Variants in EIF4E observed in about 807,000 individuals in gnomAD.
EIF4E encodes eukaryotic translation initiation factor 4E.
For missense variants in EIF4E, 113 were observed against 265.6 expected (o/e 0.43, Z 3.99); for synonymous variants, 71 against 88.5 (o/e 0.80, Z 1.11).
intron 1 of EIF4E, among the ~76,000 whole-genome samples, chr4:98,917,577 CA>C (rs1725441043): frequency 6.6e-6 from 1 of 151,778 alleles, no homozygotes; most frequent in Non-Finnish European, 1.5e-5. Flanking sequence ...TTAGTTTTTT[CA>C]AAACTAAACA....
At chr4:98,927,360 A>G (rs1725916250) in intron 1 of EIF4E, among the ~76,000 whole-genome samples, 1 of 152,180 alleles carries the variant, frequency 6.6e-6, no homozygotes, top group Non-Finnish European at 1.5e-5. Context: ...TAGTTTTATA[A>G]AAGTCTTTAA....
intron 2 of EIF4E, among the ~76,000 whole-genome samples, chr4:98,896,748 T>C (rs1046357792): frequency 8.1e-6 from 1 of 123,356 alleles, no homozygotes; most frequent in African/African-American, 3.1e-5. Flanking sequence ...GAGGCCGAGG[T>C]GGATGAATTG....
chr4:98,916,286 C>CAAAA (rs11462325), intron 1 of EIF4E, among the ~76,000 whole-genome samples: 6 of 106,954 alleles, frequency 5.6e-5, no homozygotes, highest in African/African-American at 1.3e-4. Context: ...ATTCAGAGGA[C>CAAAA]AAAAAAAAAA....
At chr4:98,898,127 A>C (rs1724493145) in intron 2 of EIF4E, among the ~76,000 whole-genome samples, 1 of 152,158 alleles carries the variant, frequency 6.6e-6, no homozygotes, top group Non-Finnish European at 1.5e-5. Flanking sequence ...GGGGGGGAAA[A>C]AAGAAACCTA....
chr4:98,881,215 T>G, intron 6 of EIF4E, 73 bp from the exon 7 acceptor site: 1 of 1,537,490 alleles, frequency 6.5e-7, no homozygotes, highest in Non-Finnish European at 8.8e-7. Context: ...ATTTAAAAAT[T>G]TAGGGTTATT....
intron 1 of EIF4E, among the ~76,000 whole-genome samples, chr4:98,903,082 T>A (rs1444802716): frequency 1.3e-5 from 2 of 152,174 alleles, no homozygotes; most frequent in African/African-American, 4.8e-5. Flanking sequence ...AGAAAAGTAG[T>A]CTGGGGGCAG....
rs574886864 is a variant in EIF4E at position 98,918,253 on chromosome 4, G to A, written c.18+10842C>T. Among the ~76,000 whole-genome samples, 146 of 150,522 alleles carry A rather than the reference G, an allele frequency of 9.7e-4. 1 individual carries two copies. Among genetic ancestry groups the A allele is most frequent in the Admixed American group, 2.0e-3 (30 of 15,128 alleles). ...GTGGTGGACGCCTGTAATCCAGCTG[G>A]TCGGGAGGCTGAGGCAGGAGAATTG... is the stretch of plus-strand genomic sequence containing the variant. On this transcript the variant is annotated intron_variant, in intron 1 of 6. Coordinates refer to ENST00000450253, the MANE Select transcript of EIF4E (RefSeq NM_001968.5).
chr4:98,890,423 G>A (rs1724098803), intron 3 of EIF4E, among the ~76,000 whole-genome samples: 1 of 152,190 alleles, frequency 6.6e-6, no homozygotes, highest in Non-Finnish European at 1.5e-5. Context: ...CATTCTCCAA[G>A]TAAATTAGAC....
chr4:98,890,402 A>G (rs1724097837), intron 3 of EIF4E, among the ~76,000 whole-genome samples: 1 of 152,130 alleles, frequency 6.6e-6, no homozygotes, highest in African/African-American at 2.4e-5. Flanking sequence ...CTCAAATAGT[A>G]CCTCCCTAGT....
Position 98,887,756 on chromosome 4 carries a change from A to G in EIF4E, c.285+133T>C, listed in dbSNP as rs1723984209. 1 of 766,562 alleles carries G rather than the reference A, an allele frequency of 1.3e-6. No individual in the cohort carries two copies. The highest frequency in any genetic ancestry group is 1.8e-5 in the African/African-American group (1 of 56,956). The allele number at this position is 766,562 out of a possible 1,614,324, so 47.5% of individuals were successfully genotyped here. ...GAATAAGATATATTGATACTAAAGC[A>G]TACTACAGCCAATTAAATTATCAGC... On this transcript the variant is annotated intron_variant, in intron 4 of 6. Coordinates refer to ENST00000450253, the MANE Select transcript of EIF4E (RefSeq NM_001968.5). This position sits in a 1 kb window ranked among gnomAD's most constrained non-coding sequence, Gnocchi z 4.0.
rs1289491620 is a variant in EIF4E, at chr4:98,886,664, T to A, written c.399+415A>T. 1.5e-5 allele frequency: 5 copies of A among 341,084 alleles called. No homozygotes were observed. In the East Asian group the frequency reaches 3.9e-4, roughly 26 times the overall value. 21.1% of individuals were successfully genotyped at this position (341,084 alleles called of 1,614,324 possible). A position where few individuals can be genotyped will look rare whatever the true frequency, so the allele number is the denominator to read the frequency against. On this transcript the variant is annotated intron_variant, in intron 5 of 6. Coordinates refer to ENST00000450253, the MANE Select transcript of EIF4E (RefSeq NM_001968.5). ...CAGAGGGTGAGGCTGAAATGAGCCA[T>A]ATAAATAAATATCCGCACTCCAGCC...
At chr4:98,883,349 A>G (rs543727287) in intron 6 of EIF4E, among the ~76,000 whole-genome samples, 9 of 151,930 alleles carry the variant, frequency 5.9e-5, no homozygotes, top group African/African-American at 2.2e-4. Flanking sequence ...CATTTTGACC[A>G]CTGACTGACC....
intron 3 of EIF4E, 96 bp downstream of exon 3, chr4:98,891,141 G>T: frequency 7.6e-7 from 1 of 1,318,178 alleles, no homozygotes; most frequent in Non-Finnish European, 1.1e-6. Context: ...TTCATTAACT[G>T]TTTAACTCAC....
At chr4:98,922,814 T>C (rs1725703458) in intron 1 of EIF4E, among the ~76,000 whole-genome samples, 1 of 151,764 alleles carries the variant, frequency 6.6e-6, no homozygotes, top group African/African-American at 2.4e-5. Flanking sequence ...CTGAATATAG[T>C]GTGACTAAAC....
At chr4:98,922,143 G>A (rs537638835) in intron 1 of EIF4E, among the ~76,000 whole-genome samples, 1 of 152,118 alleles carries the variant, frequency 6.6e-6, no homozygotes, top group East Asian at 1.9e-4. Context: ...AGAGTGCAAC[G>A]GTTAAGAATA....
At chr4:98,898,245 T>C (rs1173295029) in intron 2 of EIF4E, among the ~76,000 whole-genome samples, 1 of 152,148 alleles carries the variant, frequency 6.6e-6, no homozygotes, top group Non-Finnish European at 1.5e-5. Context: ...TTCTTATACT[T>C]CCAATGAAAC....
intron 6 of EIF4E, among the ~76,000 whole-genome samples, chr4:98,881,477 G>A (rs955235227): frequency 2.0e-5 from 3 of 152,218 alleles, no homozygotes; most frequent in Middle Eastern, 3.4e-3. Flanking sequence ...TCCCTGAGCT[G>A]ACTGCATTTA....
chr4:98,885,210 G>T, intron 5 of EIF4E, 149 bp from the exon 6 acceptor site: 1 of 988,724 alleles, frequency 1.0e-6, no homozygotes, highest in Non-Finnish European at 1.5e-6. Flanking sequence ...TGCATATATT[G>T]ATCTGTCCTG....
At chr4:98,911,121 C>A (rs1307282990) in intron 1 of EIF4E, among the ~76,000 whole-genome samples, 1 of 151,748 alleles carries the variant, frequency 6.6e-6, no homozygotes, top group African/African-American at 2.4e-5. Flanking sequence ...GCGATCTCGG[C>A]TCACTGCAAC....
Sources: gnomAD v4.1 joint callset for allele counts (sites outside exome capture counted in the v4.1 genomes callset) on GRCh38, gnomAD v4.1.1 for gene constraint, Gnocchi (gnomAD v3.1) non-coding constraint, MANE v1.5 for transcripts, NCBI Gene and HGNC (gene_info 2026-07-23, HGNC 2026-07-21) for gene names.